KIRREL3: variants seen among roughly 807,000 people sequenced by gnomAD.
KIRREL3 encodes the protein kin of IRRE-like protein 3.
KIRREL3 carries 36 observed loss-of-function variants against 89.7 expected under a neutral mutation model. The ratio of observed to expected loss-of-function variants is 0.40; its 90% CI spans 0.31 to 0.53. The LOEUF is 0.53. Ranked by LOEUF, KIRREL3 falls within the 20% of genes least tolerant of loss-of-function variation. The pLI is 0.49. For synonymous variants in KIRREL3, 445 were observed against 441.4 expected, an observed-to-expected ratio of 1.01 and a Z score of -0.10; for missense variants, 864 against 1,056.6, an observed-to-expected ratio of 0.82 and a Z score of 2.53.
rs866860676 is a variant in KIRREL3, at chr11:126,484,176, C to A, written c.434-10710G>T. On this transcript the variant is annotated intron_variant, in intron 4 of 16. Coordinates refer to ENST00000525144, the MANE Select transcript of KIRREL3 (RefSeq NM_032531.4). This position sits in a 1 kb window ranked among gnomAD's most constrained non-coding sequence, Gnocchi z 5.2. Reference sequence around the variant, plus strand: ...CCCACTGAATTAGAAGCCCCCTCCCCACCTGAGCACCTCTTACACTGGTCC... The same window carrying A: ...CCCACTGAATTAGAAGCCCCCTCCCAACCTGAGCACCTCTTACACTGGTCC... Among the ~76,000 whole-genome samples the A allele has an allele frequency of 1.3e-5, 2 of 152,194 alleles. No individual in the cohort carries two copies. The highest frequency in any genetic ancestry group is 2.4e-5 in the African/African-American group (1 of 41,450).
chr11:126,513,587 G>A lies in KIRREL3; in HGVS notation c.433+7728C>T, dbSNP rs974561812. 6.6e-6 allele frequency among the ~76,000 whole-genome samples: 1 copy of A among 152,168 alleles called. No individual in the cohort carries two copies. Among genetic ancestry groups the A allele is most frequent in the African/African-American group, 2.4e-5 (1 of 41,442 alleles). On this transcript the variant is annotated intron_variant, in intron 4 of 16. Coordinates refer to ENST00000525144, the MANE Select transcript of KIRREL3 (RefSeq NM_032531.4). This position sits in a 1 kb window ranked among gnomAD's most constrained non-coding sequence, Gnocchi z 5.9. ...CTGCCCCCACCTCATTTCCCAACATGAGGGACGACCCCAGGCTGGGGGAGA... is the reference window on the plus strand; with the variant it reads ...CTGCCCCCACCTCATTTCCCAACATAAGGGACGACCCCAGGCTGGGGGAGA...
rs1300954854 is a variant in KIRREL3, at chr11:126,587,675, C to A, written c.56-24763G>T. Among the ~76,000 whole-genome samples, 3 of 152,182 alleles carry A rather than the reference C, an allele frequency of 2.0e-5. No homozygotes were observed. On this transcript the variant is annotated intron_variant, in intron 1 of 16. Transcript: ENST00000525144. The surrounding 1 kb of genome is among the most constrained non-coding windows in gnomAD (Gnocchi z 5.2). ...GAAGGACTGTAATCTGGGAGATATT[C>A]ATTTAACATATTTCTGTCTCTGAAT... is the stretch of plus-strand genomic sequence containing the variant.
intron 1 of KIRREL3, among the ~76,000 whole-genome samples, chr11:126,962,103 C>G (rs1311983792): frequency 6.6e-6 from 1 of 152,202 alleles, no homozygotes; most frequent in African/African-American, 2.4e-5. Flanking sequence ...TTCTTGCCTG[C>G]TAACACAACA....
intron 1 of KIRREL3, among the ~76,000 whole-genome samples, chr11:126,604,709 C>T (rs997644056): frequency 1.4e-4 from 21 of 152,172 alleles, no homozygotes; most frequent in African/African-American, 2.9e-4. Flanking sequence ...TCTGAGGCTG[C>T]GCAGAATGGC....
Position 126,522,659 on chromosome 11 carries a change from C to T in KIRREL3, c.284-1195G>A, listed in dbSNP as rs1958633740. Among the ~76,000 whole-genome samples the T allele has an allele frequency of 6.6e-6, 1 of 152,216 alleles. No individual in the cohort carries two copies. The highest frequency in any genetic ancestry group is 6.5e-5 in the Admixed American group (1 of 15,282). On this transcript the variant is annotated intron_variant, in intron 3 of 16. Coordinates refer to ENST00000525144, the MANE Select transcript of KIRREL3 (RefSeq NM_032531.4). The surrounding 1 kb of genome is among the most constrained non-coding windows in gnomAD (Gnocchi z 6.0). ...TGTGGCTGGCCACCTTAGGCAGATC[C>T]TCTCTTTCCTGGGTCTCGGGCCCTA...
In KIRREL3 at chr11:126,578,921, TC is replaced by T. The variant is rs1941396407; in HGVS notation, c.56-16010del. Among the ~76,000 whole-genome samples the T allele has an allele frequency of 6.6e-6, 1 of 152,142 alleles. No homozygotes were observed. The highest frequency in any genetic ancestry group is 2.1e-4 in the South Asian group (1 of 4,824). ...TACTTTTCACACACTCTCTCACTTA[TC>T]CTCACCATGCCTAGAGATGGGACTT... is the stretch of plus-strand genomic sequence containing the variant. On this transcript the variant is annotated intron_variant, in intron 1 of 16. Coordinates refer to ENST00000525144, the MANE Select transcript of KIRREL3 (RefSeq NM_032531.4). This position sits in a 1 kb window ranked among gnomAD's most constrained non-coding sequence, Gnocchi z 4.9.
In KIRREL3 at chr11:127,000,392, A is replaced by T. The variant is rs761032064; in HGVS notation, c.55+63T>A. The T allele has an allele frequency of 5.6e-6, 8 of 1,439,602 alleles. No individual in the cohort carries two copies. Among genetic ancestry groups the T allele is most frequent in the Non-Finnish European group, 6.7e-6 (7 of 1,050,884 alleles). 89.2% of individuals were successfully genotyped at this position (1,439,602 alleles called of 1,614,324 possible). A position where few individuals can be genotyped will look rare whatever the true frequency, so the allele number is the denominator to read the frequency against. On this transcript the variant is annotated intron_variant, in intron 1 of 16. Coordinates refer to ENST00000525144, the MANE Select transcript of KIRREL3 (RefSeq NM_032531.4). This position sits in a 1 kb window ranked among gnomAD's most constrained non-coding sequence, Gnocchi z 7.1. Reference sequence around the variant, plus strand: ...GAAGCCTGCCCACGTTCCTGCCCACAGCCTCCCGCGCCCTGACAACCCAGC... The same window carrying T: ...GAAGCCTGCCCACGTTCCTGCCCACTGCCTCCCGCGCCCTGACAACCCAGC...
Position 126,668,348 on chromosome 11 carries a change from C to T in KIRREL3, c.56-105436G>A, listed in dbSNP as rs1284480421. Among the ~76,000 whole-genome samples the T allele has an allele frequency of 6.6e-6, 1 of 152,202 alleles. No homozygotes were observed. Among genetic ancestry groups the T allele is most frequent in the Non-Finnish European group, 1.5e-5 (1 of 68,042 alleles). ...ACCTAATCACCTCCCAAAGGCCTCA[C>T]CTCCTAATACCGTAGCCTTGGAGGT... On this transcript the variant is annotated intron_variant, in intron 1 of 16. Coordinates refer to ENST00000525144, the MANE Select transcript of KIRREL3 (RefSeq NM_032531.4). This position sits in a 1 kb window ranked among gnomAD's most constrained non-coding sequence, Gnocchi z 4.4.
intron 1 of KIRREL3, among the ~76,000 whole-genome samples, chr11:126,688,869 C>G (rs1244378590): frequency 6.6e-6 from 1 of 152,058 alleles, no homozygotes; most frequent in Non-Finnish European, 1.5e-5. Context: ...ACAATGAACA[C>G]TCAGAGCTCT....
At chr11:126,720,777 G>C (rs1017010780) in intron 1 of KIRREL3, among the ~76,000 whole-genome samples, 2 of 152,218 alleles carry the variant, frequency 1.3e-5, no homozygotes, top group African/African-American at 4.8e-5. Flanking sequence ...GCTGGGCCAG[G>C]GCACATGCAA....
intron 1 of KIRREL3, among the ~76,000 whole-genome samples, chr11:126,966,719 T>C (rs1258772503): frequency 6.6e-6 from 1 of 152,158 alleles, no homozygotes; most frequent in African/African-American, 2.4e-5. Context: ...ATGGCCAAGA[T>C]ACCAACAGAC....
rs7930236 is a variant in KIRREL3 at position 126,725,215 on chromosome 11, G to A, written c.56-162303C>T. ...AGTGTGATGTATGGGAGAGGACAGC[G>A]TGGTGCCTCGTATGCCATGAAGAAT... On this transcript the variant is annotated intron_variant, in intron 1 of 16. Coordinates refer to ENST00000525144, the MANE Select transcript of KIRREL3 (RefSeq NM_032531.4). Among the ~76,000 whole-genome samples, 397 of 152,354 alleles carry A rather than the reference G, an allele frequency of 2.6e-3. 2 individuals carry two copies. Among genetic ancestry groups the A allele is most frequent in the African/African-American group, 9.0e-3 (373 of 41,586 alleles).
intron 1 of KIRREL3, among the ~76,000 whole-genome samples, chr11:126,649,644 T>C (rs1380990114): frequency 2.6e-5 from 4 of 152,160 alleles, no homozygotes; most frequent in Non-Finnish European, 5.9e-5. Context: ...TCCCATGGTC[T>C]TGGGTAGCTC....
In KIRREL3 at chr11:126,955,653, G is replaced by A. The variant is rs966409176; in HGVS notation, c.55+44802C>T. Among the ~76,000 whole-genome samples the A allele has an allele frequency of 1.3e-5, 2 of 152,182 alleles. No homozygotes were observed. The highest frequency in any genetic ancestry group is 2.9e-5 in the Non-Finnish European group (2 of 68,038). Reference sequence around the variant, plus strand: ...CTCAACCACACATATTTATTAAGTAGCTACTATACACAGACCAGGCACAGT... The same window carrying A: ...CTCAACCACACATATTTATTAAGTAACTACTATACACAGACCAGGCACAGT... On this transcript the variant is annotated intron_variant, in intron 1 of 16. Transcript: ENST00000525144. The surrounding 1 kb of genome is among the most constrained non-coding windows in gnomAD (Gnocchi z 4.6).
intron 7 of KIRREL3, among the ~76,000 whole-genome samples, chr11:126,451,294 ATGTGTGCATG>A (rs1293662424): frequency 3.3e-5 from 4 of 123,016 alleles, no homozygotes; most frequent in South Asian, 5.5e-4. Flanking sequence ...GCGTGTGTGC[ATGTGTGCATG>A]TGTGTGCATG....
intron 16 of KIRREL3, 80 bp from the exon 17 acceptor site, chr11:126,425,103 C>T: frequency 7.5e-7 from 1 of 1,325,322 alleles, no homozygotes. Context: ...CTGAGCCCGT[C>T]CCCTTATGCG....
At chr11:126,511,601 G>C (rs1232798941) in intron 4 of KIRREL3, among the ~76,000 whole-genome samples, 2 of 152,142 alleles carry the variant, frequency 1.3e-5, no homozygotes, top group Non-Finnish European at 2.9e-5. Flanking sequence ...AACAGTGGGG[G>C]CTCCCTTAGG....
Position 126,683,068 on chromosome 11 carries a change from C to T in KIRREL3, c.56-120156G>A, listed in dbSNP as rs1446379376. Among the ~76,000 whole-genome samples the T allele has an allele frequency of 6.6e-6, 1 of 152,096 alleles. No individual in the cohort carries two copies. The highest frequency in any genetic ancestry group is 2.4e-5 in the African/African-American group (1 of 41,392). On this transcript the variant is annotated intron_variant, in intron 1 of 16. Transcript: ENST00000525144. The surrounding 1 kb of genome is among the most constrained non-coding windows in gnomAD (Gnocchi z 5.2). ...ATGAGGTCTCACCATGTTGCCTAGG[C>T]TGGTTTTGACCCCCTGAACTCCAGT...
chr11:126,611,659 A>T lies in KIRREL3; in HGVS notation c.56-48747T>A, dbSNP rs1001570886. ...TTGCATTCCCGTGCCCTCCCCACAG[A>T]TGGCTGCTCTCTGGGCTGCACGCAC... On this transcript the variant is annotated intron_variant, in intron 1 of 16. Transcript: ENST00000525144. The surrounding 1 kb of genome is among the most constrained non-coding windows in gnomAD (Gnocchi z 4.7). Among the ~76,000 whole-genome samples, 2 of 152,114 alleles carry T rather than the reference A, an allele frequency of 1.3e-5. No homozygotes were observed. Among genetic ancestry groups the T allele is most frequent in the Non-Finnish European group, 2.9e-5 (2 of 68,018 alleles).
Sources: allele counts gnomAD v4.1 joint callset (sites outside exome capture counted in the v4.1 genomes callset), GRCh38; gene constraint gnomAD v4.1.1; non-coding constraint Gnocchi (gnomAD v3.1); transcripts MANE v1.5; gene names NCBI Gene and HGNC (gene_info 2026-07-23, HGNC 2026-07-21).